Variants in FNDC3B observed in about 807,000 individuals in gnomAD.
The protein encoded by FNDC3B is fibronectin type III domain-containing protein 3B.
A neutral mutation model predicts 151.5 loss-of-function variants in FNDC3B; 12 were observed. The ratio of observed to expected loss-of-function variants is 0.08; its 90% CI spans 0.05 to 0.13. FNDC3B has a LOEUF of 0.13. Among genes scored for constraint, FNDC3B ranks in the 10% least tolerant of loss-of-function variants. The pLI, the probability that FNDC3B is intolerant of heterozygous loss-of-function variation, is 1.00. For missense variants in FNDC3B, 1,214 were observed against 1,505.3 expected, an observed-to-expected ratio of 0.81 and a Z score of 3.20; for synonymous variants, 528 against 549.0, an observed-to-expected ratio of 0.96 and a Z score of 0.54.
chr3:172,291,374 A>T (rs1192089242), intron 7 of FNDC3B, among the ~76,000 whole-genome samples: 1 of 152,190 alleles, frequency 6.6e-6, no homozygotes, highest in Non-Finnish European at 1.5e-5. Flanking sequence ...TCATATGCAG[A>T]CTTACACTAG....
At chr3:172,351,211 G>T (rs995660163) in intron 21 of FNDC3B, among the ~76,000 whole-genome samples, 11 of 152,344 alleles carry the variant, frequency 7.2e-5, no homozygotes, top group African/African-American at 2.6e-4. Context: ...GGATTGCAAA[G>T]TTGAAATGTG....
At chr3:172,194,243 A>C (rs1724715518) in intron 3 of FNDC3B, among the ~76,000 whole-genome samples, 1 of 152,090 alleles carries the variant, frequency 6.6e-6, no homozygotes, top group Admixed American at 6.5e-5. Context: ...AAATTATCTT[A>C]GTGGTTATAC....
intron 1 of FNDC3B, among the ~76,000 whole-genome samples, chr3:172,106,688 A>G (rs1719662094): frequency 6.6e-6 from 1 of 152,184 alleles, no homozygotes; most frequent in Admixed American, 6.5e-5. Context: ...TAAGTTAGAC[A>G]TTCTTCCTAG....
chr3:172,063,004 A>G (rs1405681427), intron 1 of FNDC3B, among the ~76,000 whole-genome samples: 2 of 152,214 alleles, frequency 1.3e-5, no homozygotes, highest in Non-Finnish European at 2.9e-5. Context: ...CTACAAAACC[A>G]TATCTTGCTC....
chr3:172,087,700 G>C (rs528320115), intron 1 of FNDC3B, among the ~76,000 whole-genome samples: 1 of 152,200 alleles, frequency 6.6e-6, no homozygotes, highest in Non-Finnish European at 1.5e-5. Flanking sequence ...TGTATAGGTT[G>C]TAACATGCTG....
At chr3:172,259,948 TGA>T (rs1384100568) in intron 6 of FNDC3B, among the ~76,000 whole-genome samples, 1 of 152,226 alleles carries the variant, frequency 6.6e-6, no homozygotes, top group Non-Finnish European at 1.5e-5. Context: ...AATAATTCGT[TGA>T]GTTTTCTTTT....
chr3:172,217,208 A>T (rs762065432), intron 3 of FNDC3B, among the ~76,000 whole-genome samples: 1 of 152,210 alleles, frequency 6.6e-6, no homozygotes, highest in Non-Finnish European at 1.5e-5. Context: ...AGCAACAACC[A>T]AGGGTTCTAA....
intron 4 of FNDC3B, among the ~76,000 whole-genome samples, chr3:172,228,246 G>A (rs1042985283): frequency 1.3e-5 from 2 of 152,168 alleles, no homozygotes; most frequent in African/African-American, 4.8e-5. Flanking sequence ...GACACCAGAT[G>A]ATGGATCACA....
chr3:172,138,286 T>C (rs895448475), intron 3 of FNDC3B, among the ~76,000 whole-genome samples: 30 of 152,242 alleles, frequency 2.0e-4, no homozygotes, highest in African/African-American at 7.2e-4. Context: ...CAGGAAACAG[T>C]GTATCTTCAC....
intron 1 of FNDC3B, among the ~76,000 whole-genome samples, chr3:172,076,777 C>G (rs984564823): frequency 1.3e-5 from 2 of 152,108 alleles, no homozygotes; most frequent in African/African-American, 4.8e-5. Context: ...CACAGGGCAT[C>G]AAGAGGGGTC....
intron 10 of FNDC3B, among the ~76,000 whole-genome samples, chr3:172,308,084 A>G (rs1395217156): frequency 2.0e-5 from 3 of 152,232 alleles, no homozygotes; most frequent in African/African-American, 7.2e-5. Flanking sequence ...GGTGATACTG[A>G]AATGTTTAAT....
intron 1 of FNDC3B, among the ~76,000 whole-genome samples, chr3:172,086,678 TTGAAAAGAA>T (rs550583547): frequency 1.5e-3 from 223 of 152,338 alleles, no homozygotes; most frequent in African/African-American, 5.1e-3. Flanking sequence ...ATTAGGAGAA[TTGAAAAGAA>T]TTAAGTTGTT....
intron 3 of FNDC3B, among the ~76,000 whole-genome samples, chr3:172,146,948 A>G (rs1005606143): frequency 9.2e-5 from 14 of 152,342 alleles, no homozygotes; most frequent in South Asian, 2.1e-4. Flanking sequence ...AAGTTCACCT[A>G]TGTTTAATGA....
In FNDC3B at chr3:172,047,290, A is replaced by G. The variant is rs538089870; in HGVS notation, c.-29+7519A>G. On this transcript the variant is annotated intron_variant, in intron 1 of 25. Transcript: ENST00000415807. ...GGTTTAATTTATTTTTAAGGGATTT[A>G]AGATTCCCCATAGCCTATGAAAGAG... 1.3e-3 allele frequency among the ~76,000 whole-genome samples: 205 copies of G among 152,340 alleles called. 7 individuals carry two copies. In the South Asian group the frequency reaches 0.041, roughly 31 times the overall value.
At chr3:172,125,639 G>T (rs865936988) in intron 2 of FNDC3B, among the ~76,000 whole-genome samples, 13 of 152,126 alleles carry the variant, frequency 8.5e-5, no homozygotes, top group South Asian at 6.2e-4. Flanking sequence ...TTAAAACCTT[G>T]TAAGATTTGA....
At chr3:172,042,991 T>G (rs1716167322) in intron 1 of FNDC3B, among the ~76,000 whole-genome samples, 1 of 152,058 alleles carries the variant, frequency 6.6e-6, no homozygotes, top group East Asian at 2.0e-4. Context: ...CTCGGCTAAC[T>G]GCAACCTCCG....
At chr3:172,254,340 T>A (rs1450715694) in intron 6 of FNDC3B, among the ~76,000 whole-genome samples, 1 of 152,142 alleles carries the variant, frequency 6.6e-6, no homozygotes, top group East Asian at 1.9e-4. Context: ...AGAATCTTCA[T>A]ACCACTTTTG....
intron 3 of FNDC3B, among the ~76,000 whole-genome samples, chr3:172,140,217 A>C (rs1333742180): frequency 3.3e-5 from 5 of 151,962 alleles, no homozygotes; most frequent in Non-Finnish European, 7.4e-5. Context: ...TACTCTACCA[A>C]CTCTCCAGCT....
chr3:172,308,638 A>G (rs1471190892), intron 10 of FNDC3B, among the ~76,000 whole-genome samples: 1 of 152,226 alleles, frequency 6.6e-6, no homozygotes, highest in African/African-American at 2.4e-5. Flanking sequence ...CTGCATTCTC[A>G]TAGCCAGTGG....
Sources: allele counts gnomAD v4.1 joint callset (sites outside exome capture counted in the v4.1 genomes callset), GRCh38; gene constraint gnomAD v4.1.1; transcripts MANE v1.5; gene names NCBI Gene and HGNC (gene_info 2026-07-23, HGNC 2026-07-21).